The following AFF3 variants were observed in gnomAD, a reference collection of about 807,000 sequenced individuals.
AFF3 encodes the protein AF4/FMR2 family member 3.
AFF3 carries 32 observed loss-of-function variants against 129.7 expected under a neutral mutation model. The observed-to-expected ratio is 0.25, with a 90% CI of 0.19 to 0.33. AFF3 has a LOEUF of 0.33. AFF3 is among the 10% of genes least tolerant of loss of function. The pLI is 1.00. For missense variants in AFF3, 1,373 were observed against 1,592.0 expected, an observed-to-expected ratio of 0.86 and a Z score of 2.34; for synonymous variants, 644 against 635.4, an observed-to-expected ratio of 1.01 and a Z score of -0.20.
In AFF3 at chr2:99,954,211, T is replaced by C. The variant is rs567953901; in HGVS notation, c.873+52421A>G. 2.0e-5 allele frequency among the ~76,000 whole-genome samples: 3 copies of C among 152,082 alleles called. No individual in the cohort carries two copies. The East Asian group carries it at 5.8e-4, about 29-fold the overall frequency. On this transcript the variant is annotated intron_variant, in intron 7 of 24. Coordinates refer to ENST00000672756, the MANE Select transcript of AFF3 (RefSeq NM_001386135.1). ...TTATCTAAATGCAGGGACATAAAAA[T>C]GCATGGTACAAAAAAAAAACCCACT...
At position 99,550,394 on chromosome 2, in the gene AFF3, G is replaced by A. The variant is rs1674324725; in HGVS notation, c.*1080C>T. 4.3e-6 allele frequency: 1 copy of A among 230,348 alleles called. No individual in the cohort carries two copies. Among genetic ancestry groups the A allele is most frequent in the Non-Finnish European group, 8.6e-6 (1 of 116,270 alleles). 14.3% of individuals were successfully genotyped at this position (230,348 alleles called of 1,614,324 possible). ...CAGGTGCACATTCTGCATGAGGAGT[G>A]AGAGAATCAGCATTATCATGGCAAA... On this transcript the variant is annotated 3_prime_UTR_variant, in exon 25 of 25. Transcript: ENST00000672756.
chr2:99,570,348 T>C (rs777904518), intron 18 of AFF3, among the ~76,000 whole-genome samples: 1 of 152,206 alleles, frequency 6.6e-6, no homozygotes, highest in Non-Finnish European at 1.5e-5. Context: ...TTTTTGTTGT[T>C]GTTTTTTGAG....
intron 11 of AFF3, among the ~76,000 whole-genome samples, chr2:99,703,920 T>G (rs960875654): frequency 1.3e-5 from 2 of 152,250 alleles, no homozygotes; most frequent in Non-Finnish European, 1.5e-5. Flanking sequence ...TACACTGCTT[T>G]GTACACAGTT....
At chr2:99,876,284 A>T (rs1692291448) in intron 7 of AFF3, among the ~76,000 whole-genome samples, 1 of 152,158 alleles carries the variant, frequency 6.6e-6, no homozygotes, top group Non-Finnish European at 1.5e-5. Flanking sequence ...AGCTGATACA[A>T]CCATTTGGAT....
intron 8 of AFF3, among the ~76,000 whole-genome samples, chr2:99,776,237 A>C (rs1246739700): frequency 1.3e-5 from 2 of 152,186 alleles, no homozygotes; most frequent in Admixed American, 1.3e-4. Flanking sequence ...GCAGAGTCAA[A>C]ATTATTTTGG....
intron 11 of AFF3, among the ~76,000 whole-genome samples, chr2:99,680,463 G>A (rs1255100535): frequency 6.6e-6 from 1 of 152,132 alleles, no homozygotes; most frequent in Non-Finnish European, 1.5e-5. Context: ...GATTCTGACT[G>A]GGAACATAAA....
intron 7 of AFF3, among the ~76,000 whole-genome samples, chr2:99,867,196 C>A (rs557791734): frequency 1.3e-5 from 2 of 151,906 alleles, no homozygotes; most frequent in South Asian, 4.2e-4. Context: ...TTAACAAAGC[C>A]CAACACTTGA....
intron 7 of AFF3, among the ~76,000 whole-genome samples, chr2:99,869,119 G>A (rs1382882681): frequency 1.3e-5 from 2 of 151,992 alleles, no homozygotes; most frequent in Non-Finnish European, 2.9e-5. Context: ...TTTAATATAA[G>A]TTCCTAGTTC....
At chr2:100,022,744 C>T (rs1683699179) in intron 4 of AFF3, among the ~76,000 whole-genome samples, 1 of 152,158 alleles carries the variant, frequency 6.6e-6, no homozygotes, top group Non-Finnish European at 1.5e-5. Context: ...TATACACCCA[C>T]ATACAACACA....
chr2:100,026,715 A>AT (rs1435966256), intron 4 of AFF3, among the ~76,000 whole-genome samples: 39 of 126,668 alleles, frequency 3.1e-4, no homozygotes, highest in Non-Finnish European at 5.7e-4. Context: ...ATATATATAT[A>AT]AATATATATA....
chr2:99,733,033 A>G (rs534652850), intron 10 of AFF3, among the ~76,000 whole-genome samples: 21 of 152,224 alleles, frequency 1.4e-4, no homozygotes, highest in African/African-American at 5.1e-4. Flanking sequence ...TATTGTCTCA[A>G]TAAGAGTCAT....
chr2:100,137,636 A>G (rs1439188224), intron 1 of AFF3, among the ~76,000 whole-genome samples: 1 of 152,158 alleles, frequency 6.6e-6, no homozygotes, highest in Non-Finnish European at 1.5e-5. Flanking sequence ...GCCTAGACTC[A>G]GGATCGCCCT....
chr2:99,899,865 C>A (rs1694226375), intron 7 of AFF3, among the ~76,000 whole-genome samples: 1 of 152,176 alleles, frequency 6.6e-6, no homozygotes, highest in African/African-American at 2.4e-5. Context: ...CCAAGGTAGA[C>A]ACATGTCTTT....
intron 11 of AFF3, among the ~76,000 whole-genome samples, chr2:99,706,807 T>G (rs1022330226): frequency 6.6e-6 from 1 of 152,226 alleles, no homozygotes; most frequent in Non-Finnish European, 1.5e-5. Flanking sequence ...CTGTTTGGCT[T>G]TGAGGGAAGC....
At chr2:99,656,526 T>A (rs1685761490) in intron 12 of AFF3, among the ~76,000 whole-genome samples, 1 of 152,224 alleles carries the variant, frequency 6.6e-6, no homozygotes, top group African/African-American at 2.4e-5. Flanking sequence ...CACATATTTT[T>A]ATAGAAGTTC....
intron 13 of AFF3, among the ~76,000 whole-genome samples, chr2:99,643,055 ATTTTTTTTTT>A (rs34572652): frequency 9.9e-6 from 1 of 100,858 alleles, no homozygotes; most frequent in South Asian, 3.4e-4. Context: ...TACTTAAAAG[ATTTTTTTTTT>A]TTTTTTTTTT....
At chr2:99,798,798 C>T (rs916794098) in intron 8 of AFF3, among the ~76,000 whole-genome samples, 4 of 151,802 alleles carry the variant, frequency 2.6e-5, no homozygotes, top group African/African-American at 9.7e-5. Context: ...ATACACGAAG[C>T]AAAAGTGAAT....
chr2:99,862,203 A>G (rs1460991315), intron 7 of AFF3, among the ~76,000 whole-genome samples: 1 of 152,022 alleles, frequency 6.6e-6, no homozygotes, highest in Non-Finnish European at 1.5e-5. Flanking sequence ...TTTTTCCTAA[A>G]AGCTGAATTT....
chr2:99,844,959 T>TAAA (rs370587161), intron 7 of AFF3, among the ~76,000 whole-genome samples: 3,671 of 142,242 alleles, frequency 0.026, 140 homozygotes, highest in African/African-American at 0.087. Flanking sequence ...ACCAATACAC[T>TAAA]AAAAAAAAAA....
Sources: gnomAD v4.1 joint callset for allele counts (sites outside exome capture counted in the v4.1 genomes callset) on GRCh38, gnomAD v4.1.1 for gene constraint, MANE v1.5 for transcripts, NCBI Gene and HGNC (gene_info 2026-07-23, HGNC 2026-07-21) for gene names.